Variants in UNC5D observed in about 807,000 individuals in gnomAD.
UNC5D encodes unc-5 netrin receptor D, also known as netrin receptor UNC5D.
In UNC5D, 39 loss-of-function variants were observed where a neutral mutation model predicts 105.4. The observed-to-expected ratio is 0.37, with a 90% CI of 0.29 to 0.48. The LOEUF (loss-of-function observed/expected upper bound fraction) is 0.48. Ranked by LOEUF, UNC5D falls within the 20% of genes least tolerant of loss-of-function variation. The pLI is 0.98. For missense variants in UNC5D, 991 were observed against 1,202.4 expected, an observed-to-expected ratio of 0.82 and a Z score of 2.60; for synonymous variants, 452 against 450.4, an observed-to-expected ratio of 1.00 and a Z score of -0.04.
chr8:35,755,856 C>G (rs571911867), intron 13 of UNC5D, among the ~76,000 whole-genome samples: 1 of 152,228 alleles, frequency 6.6e-6, no homozygotes, highest in South Asian at 2.1e-4. Flanking sequence ...CTGGAAAAAT[C>G]AAATTACTAT....
intron 1 of UNC5D, among the ~76,000 whole-genome samples, chr8:35,371,997 G>T (rs1185254741): frequency 6.6e-6 from 1 of 152,134 alleles, no homozygotes; most frequent in Non-Finnish European, 1.5e-5. Context: ...TTAGGTCTTT[G>T]ATCTTAGCCT....
chr8:35,655,567 T>C (rs1410345083), intron 4 of UNC5D, among the ~76,000 whole-genome samples: 1 of 152,220 alleles, frequency 6.6e-6, no homozygotes, highest in Non-Finnish European at 1.5e-5. Context: ...ATATCAGAGA[T>C]TCCCAAAGAT....
intron 1 of UNC5D, among the ~76,000 whole-genome samples, chr8:35,446,169 T>TC (rs1276913366): frequency 1.3e-5 from 2 of 151,826 alleles, no homozygotes; most frequent in South Asian, 2.1e-4. Flanking sequence ...TCCCACACTT[T>TC]CCCCCCGAGT....
chr8:35,557,664 T>C (rs983086144), intron 2 of UNC5D, among the ~76,000 whole-genome samples: 1 of 152,144 alleles, frequency 6.6e-6, no homozygotes, highest in Non-Finnish European at 1.5e-5. Flanking sequence ...ACATGTGTCC[T>C]TAAAAGAGTC....
chr8:35,783,185 G>A (rs1802586993), intron 16 of UNC5D, among the ~76,000 whole-genome samples: 1 of 151,898 alleles, frequency 6.6e-6, no homozygotes, highest in East Asian at 1.9e-4. Context: ...AGTAATGTAA[G>A]TAGCAACATT....
At chr8:35,562,280 A>G (rs1375989690) in intron 2 of UNC5D, among the ~76,000 whole-genome samples, 1 of 152,178 alleles carries the variant, frequency 6.6e-6, no homozygotes, top group Non-Finnish European at 1.5e-5. Flanking sequence ...ATGGATACTT[A>G]GGATGATTCA....
At chr8:35,382,969 A>G in intron 1 of UNC5D, among the ~76,000 whole-genome samples, 1 of 152,244 alleles carries the variant, frequency 6.6e-6, no homozygotes, top group Non-Finnish European at 1.5e-5. Context: ...GCACAGGCTC[A>G]ATAAACTTCA....
chr8:35,669,917 A>G (rs1049830762), intron 4 of UNC5D, among the ~76,000 whole-genome samples: 2 of 152,158 alleles, frequency 1.3e-5, no homozygotes, highest in African/African-American at 4.8e-5. Context: ...CAGAGTCTGT[A>G]GCACAAGAGG....
At chr8:35,293,591 C>T (rs999015846) in intron 1 of UNC5D, among the ~76,000 whole-genome samples, 8 of 152,196 alleles carry the variant, frequency 5.3e-5, no homozygotes, top group Admixed American at 1.3e-4. Context: ...TTTCCCCCAA[C>T]CTTTTCTGCC....
intron 1 of UNC5D, among the ~76,000 whole-genome samples, chr8:35,453,675 T>A (rs10108469): frequency 0.14 from 20,883 of 152,196 alleles, 2,034 homozygotes; most frequent in African/African-American, 0.27. Flanking sequence ...GCCTAGTTCT[T>A]TTTTTGTCTG....
intron 2 of UNC5D, among the ~76,000 whole-genome samples, chr8:35,557,956 A>T (rs1284977464): frequency 6.6e-6 from 1 of 151,880 alleles, no homozygotes; most frequent in Non-Finnish European, 1.5e-5. Flanking sequence ...ACAAGGTGAA[A>T]CCCCGTCTCT....
intron 4 of UNC5D, among the ~76,000 whole-genome samples, chr8:35,648,445 A>G (rs1823191301): frequency 6.6e-6 from 1 of 151,990 alleles, no homozygotes; most frequent in African/African-American, 2.4e-5. Flanking sequence ...TTGGGAGGCC[A>G]AGGTGGGCAG....
At chr8:35,542,027 G>A (rs559563221) in intron 1 of UNC5D, among the ~76,000 whole-genome samples, 1 of 152,236 alleles carries the variant, frequency 6.6e-6, no homozygotes, top group Non-Finnish European at 1.5e-5. Context: ...AGATCTGCTC[G>A]ATAAAGTAAT....
intron 1 of UNC5D, among the ~76,000 whole-genome samples, chr8:35,248,195 A>ATGT (rs1426241594): frequency 1.5e-5 from 1 of 68,908 alleles, no homozygotes; most frequent in African/African-American, 5.9e-5. Flanking sequence ...ATATAAATAT[A>ATGT]TATTATATAA....
chr8:35,380,351 C>A (rs185045414), intron 1 of UNC5D, among the ~76,000 whole-genome samples: 1 of 151,702 alleles, frequency 6.6e-6, no homozygotes, highest in Non-Finnish European at 1.5e-5. Context: ...TCTGCTAATA[C>A]CATCATATTG....
At chr8:35,242,509 C>T (rs1408918522) in intron 1 of UNC5D, among the ~76,000 whole-genome samples, 2 of 152,204 alleles carry the variant, frequency 1.3e-5, no homozygotes, top group African/African-American at 2.4e-5. Flanking sequence ...GATGGGATCT[C>T]GCTCTGTCAC....
intron 10 of UNC5D, among the ~76,000 whole-genome samples, chr8:35,729,479 C>T (rs1829073100): frequency 6.6e-6 from 1 of 152,126 alleles, no homozygotes; most frequent in Non-Finnish European, 1.5e-5. Flanking sequence ...ACTTCTAAGT[C>T]TGAAAAATAC....
chr8:35,411,518 C>A (rs932703445), intron 1 of UNC5D, among the ~76,000 whole-genome samples: 2 of 151,912 alleles, frequency 1.3e-5, no homozygotes, highest in African/African-American at 4.8e-5. Context: ...ACAGTGCTCA[C>A]ACATAGTAGA....
chr8:35,409,150 A>G (rs10110925), intron 1 of UNC5D, among the ~76,000 whole-genome samples: 8,494 of 152,072 alleles, frequency 0.056, 308 homozygotes, highest in African/African-American at 0.096. Context: ...TATAACTGAA[A>G]AATATTTGAG....
Sources: gnomAD v4.1 joint callset for allele counts (sites outside exome capture counted in the v4.1 genomes callset) on GRCh38, gnomAD v4.1.1 for gene constraint, MANE v1.5 for transcripts, NCBI Gene and HGNC (gene_info 2026-07-23, HGNC 2026-07-21) for gene names.